The following VSTM5 variants were observed in gnomAD, a reference collection of about 807,000 sequenced individuals.
VSTM5 encodes V-set and transmembrane domain containing 5.
In VSTM5, 21 loss-of-function variants were observed where a neutral mutation model predicts 20.3. That is an observed-to-expected ratio of 1.03 (90% confidence interval 0.73 to 1.49). The LOEUF (loss-of-function observed/expected upper bound fraction) is 1.49, where lower values mean the gene tolerates loss of function less well. Ranked by LOEUF, VSTM5 falls within the 40% of genes most tolerant of loss-of-function variation. The pLI, the probability that VSTM5 is intolerant of heterozygous loss-of-function variation, is 0.00. For synonymous variants in VSTM5, 100 were observed against 102.5 expected, an observed-to-expected ratio of 0.98 and a Z score of 0.14; for missense variants, 219 against 250.0, an observed-to-expected ratio of 0.88 and a Z score of 0.84.
intron 1 of VSTM5, among the ~76,000 whole-genome samples, chr11:93,846,249 A>G (rs35537834): frequency 0.6 from 91,233 of 151,826 alleles, 28,079 homozygotes; most frequent in Non-Finnish European, 0.67. Context: ...GATAAGGGAT[A>G]TAGCTGTCCT....
chr11:93,835,261 T>TA lies in VSTM5; in HGVS notation c.92-13939dup, dbSNP rs530140121. Among the ~76,000 whole-genome samples the TA allele has an allele frequency of 7.1e-3, 1,039 of 146,292 alleles. 9 individuals are homozygous for TA. Among genetic ancestry groups the TA allele is most frequent in the African/African-American group, 0.023 (910 of 40,146 alleles). On this transcript the variant is annotated intron_variant, in intron 1 of 3. Coordinates refer to ENST00000409977, the MANE Select transcript of VSTM5 (RefSeq NM_001144871.2). ...GCAGAAAAACAAGAACACGTCTCTT[T>TA]AAAAAAAAAAAATTAGCCAGGTGTG...
rs147946434 is a variant in VSTM5, at chr11:93,820,115, G to T, written c.*454C>A. 4.4e-5 allele frequency: 8 copies of T among 182,358 alleles called. No individual in the cohort carries two copies. The East Asian group carries it at 1.1e-3, about 26-fold the overall frequency. 11.3% of individuals were successfully genotyped at this position (182,358 alleles called of 1,614,324 possible). A position where few individuals can be genotyped will look rare whatever the true frequency, so the allele number is the denominator to read the frequency against. On this transcript the variant is annotated 3_prime_UTR_variant, in exon 4 of 4. Transcript: ENST00000409977. ...GCTTGCTTGTGGGATACCAGATGGG[G>T]GGCTGGTTGGCACAGCAGTTGCAGA...
chr11:93,841,686 C>T (rs1944371436), intron 1 of VSTM5, among the ~76,000 whole-genome samples: 1 of 152,228 alleles, frequency 6.6e-6, no homozygotes, highest in Non-Finnish European at 1.5e-5. Flanking sequence ...CCAAGGATGC[C>T]CTCAGGGTCC....
chr11:93,839,281 G>A lies in VSTM5; in HGVS notation c.91+11131C>T, dbSNP rs551679725. Among the ~76,000 whole-genome samples, 48 of 152,364 alleles carry A rather than the reference G, an allele frequency of 3.2e-4. No homozygotes were observed. In the South Asian group the frequency reaches 9.3e-3, roughly 30 times the overall value. ...TCTGGCAAGAGGCTGTCGGGCAGCA[G>A]GAGAGACTGGGCTCCCGTGGCCCAG... On this transcript the variant is annotated intron_variant, in intron 1 of 3. Coordinates refer to ENST00000409977, the MANE Select transcript of VSTM5 (RefSeq NM_001144871.2).
At chr11:93,845,260 A>G (rs1397188637) in intron 1 of VSTM5, among the ~76,000 whole-genome samples, 1 of 152,204 alleles carries the variant, frequency 6.6e-6, no homozygotes, top group Non-Finnish European at 1.5e-5. Flanking sequence ...TCAGAGAAAG[A>G]TGACCCCACA....
At chr11:93,822,638 C>T (rs1944197882) in intron 1 of VSTM5, among the ~76,000 whole-genome samples, 1 of 151,962 alleles carries the variant, frequency 6.6e-6, no homozygotes, top group Non-Finnish European at 1.5e-5. Context: ...TGCCACCATG[C>T]CAGGCTAAAT....
At position 93,850,485 on chromosome 11, in the gene VSTM5, G is replaced by T; in HGVS notation, c.18C>A (p.Ser6Arg). 1 of 1,549,534 alleles carries T rather than the reference G, an allele frequency of 6.5e-7. No homozygotes were observed. Among genetic ancestry groups the T allele is most frequent in the Non-Finnish European group, 8.7e-7 (1 of 1,146,390 alleles). Residue 6 changes from serine (S) to arginine (R), a missense_variant, in exon 1 of 4, where the codon AGC becomes AGA. Transcript: ENST00000409977. MRPLPSGRRKTRGISL... is the reference protein window; with the variant it reads MRPLPRGRRKTRGISL... ...AGATGCCTCGGGTCTTCCTCCTCCC[G>T]CTGGGCAGAGGCCTCATGGGCGAGC...
At chr11:93,823,821 T>C (rs530363804) in intron 1 of VSTM5, among the ~76,000 whole-genome samples, 1 of 142,382 alleles carries the variant, frequency 7.0e-6, no homozygotes, top group South Asian at 2.4e-4. Context: ...ATTGTGAATA[T>C]GGTGCAGTGA....
At position 93,849,621 on chromosome 11, in the gene VSTM5, C is replaced by A. The variant is rs76374136; in HGVS notation, c.91+791G>T. On this transcript the variant is annotated intron_variant, in intron 1 of 3. Coordinates refer to ENST00000409977, the MANE Select transcript of VSTM5 (RefSeq NM_001144871.2). ...GCTCTTACTACAAGGCCTCTCACCT[C>A]CAGCGGCCCTGCTCTGTCATTCTCT... Among the ~76,000 whole-genome samples, 868 of 152,338 alleles carry A rather than the reference C, an allele frequency of 5.7e-3. 14 individuals carry two copies. The highest frequency in any genetic ancestry group is 0.02 in the African/African-American group (836 of 41,580).
At chr11:93,835,740 T>C (rs1382951479) in intron 1 of VSTM5, among the ~76,000 whole-genome samples, 1 of 152,102 alleles carries the variant, frequency 6.6e-6, no homozygotes, top group Non-Finnish European at 1.5e-5. Context: ...AAAATCAACA[T>C]CTTCAAAGAT....
At chr11:93,846,645 A>G (rs1944412406) in intron 1 of VSTM5, among the ~76,000 whole-genome samples, 1 of 152,224 alleles carries the variant, frequency 6.6e-6, no homozygotes, top group African/African-American at 2.4e-5. Flanking sequence ...TGACATATGT[A>G]GAGAAGTTGA....
chr11:93,829,279 C>A (rs1442414491), intron 1 of VSTM5, among the ~76,000 whole-genome samples: 1 of 152,214 alleles, frequency 6.6e-6, no homozygotes, highest in Non-Finnish European at 1.5e-5. Context: ...GTAATCCCAG[C>A]ATTTTGGGAG....
chr11:93,840,936 A>C (rs1306264644), intron 1 of VSTM5, among the ~76,000 whole-genome samples: 2 of 152,284 alleles, frequency 1.3e-5, no homozygotes, highest in Admixed American at 1.3e-4. Flanking sequence ...ATCTGAGGCC[A>C]ATTCATGATA....
intron 1 of VSTM5, among the ~76,000 whole-genome samples, chr11:93,830,674 G>A (rs1944275220): frequency 6.6e-6 from 1 of 152,180 alleles, no homozygotes; most frequent in South Asian, 2.1e-4. Flanking sequence ...GGAAGGCGCT[G>A]GAGGGACCCC....
chr11:93,849,823 G>GT (rs1472708921), intron 1 of VSTM5, among the ~76,000 whole-genome samples: 1 of 152,230 alleles, frequency 6.6e-6, no homozygotes, highest in African/African-American at 2.4e-5. Flanking sequence ...AATCTACTCA[G>GT]TGCGCTGGTC....
Position 93,850,544 on chromosome 11 carries a change from G to GCACA in VSTM5, c.-43_-42insTGTG. On this transcript the variant is annotated 5_prime_UTR_variant, in exon 1 of 4. Coordinates refer to ENST00000409977, the MANE Select transcript of VSTM5 (RefSeq NM_001144871.2). Reference sequence around the variant, plus strand: ...TCGCGGGCCGGGGTGTGTGCTGGCCGCACCGCGCTGCAGCTCCTATGCAGC... The same window carrying GCACA: ...TCGCGGGCCGGGGTGTGTGCTGGCCGCACACACCGCGCTGCAGCTCCTATGCAGC... 1 of 1,434,810 alleles carries GCACA rather than the reference G, an allele frequency of 7.0e-7. No individual in the cohort carries two copies. The highest frequency in any genetic ancestry group is 9.5e-7 in the Non-Finnish European group (1 of 1,053,592). 88.9% of individuals were successfully genotyped at this position (1,434,810 alleles called of 1,614,324 possible).
At chr11:93,838,337 G>A (rs1944340499) in intron 1 of VSTM5, among the ~76,000 whole-genome samples, 1 of 152,026 alleles carries the variant, frequency 6.6e-6, no homozygotes, top group South Asian at 2.1e-4. Context: ...GCCAGGCGTG[G>A]TTGGGGCAAC....
At chr11:93,821,502 T>C in intron 1 of VSTM5, 179 bp from the exon 2 acceptor site, 1 of 627,948 alleles carries the variant, frequency 1.6e-6, no homozygotes, top group Non-Finnish European at 2.7e-6. Context: ...TCCCTGGAGA[T>C]AGAGCTCTCT....
At chr11:93,837,372 T>C (rs1408880572) in intron 1 of VSTM5, among the ~76,000 whole-genome samples, 1 of 152,066 alleles carries the variant, frequency 6.6e-6, no homozygotes, top group Non-Finnish European at 1.5e-5. Flanking sequence ...CATCCCTGTA[T>C]CACACACATG....
Sources: gnomAD v4.1 joint callset for allele counts (sites outside exome capture counted in the v4.1 genomes callset) on GRCh38, gnomAD v4.1.1 for gene constraint, MANE v1.5 for transcripts, NCBI Gene and HGNC (gene_info 2026-07-23, HGNC 2026-07-21) for gene names.